The following CNTNAP2 variants were observed in gnomAD, a reference collection of about 807,000 sequenced individuals.
The protein encoded by CNTNAP2 is contactin-associated protein-like 2.
Under a neutral mutation model 155.2 loss-of-function variants are expected in CNTNAP2, and 98 were observed. The observed-to-expected ratio is 0.63, with a 90% CI of 0.54 to 0.75. CNTNAP2 has a LOEUF of 0.75. Ranked by LOEUF, CNTNAP2 falls within the 30% of genes least tolerant of loss-of-function variation. CNTNAP2 has a pLI of 0.00. For missense variants in CNTNAP2, 1,727 were observed against 1,688.1 expected, an observed-to-expected ratio of 1.02 and a Z score of -0.40; for synonymous variants, 651 against 631.2, an observed-to-expected ratio of 1.03 and a Z score of -0.47.
chr7:146,156,247 T>C (rs7794944), intron 1 of CNTNAP2, among the ~76,000 whole-genome samples: 49,044 of 152,016 alleles, frequency 0.32, 9,624 homozygotes, highest in African/African-American at 0.55. Context: ...CTAAGGGCTA[T>C]TATGTTGTTT....
chr7:146,904,781 CT>C (rs1201709110), intron 3 of CNTNAP2, among the ~76,000 whole-genome samples: 1 of 152,162 alleles, frequency 6.6e-6, no homozygotes, highest in East Asian at 1.9e-4. Context: ...GAGAATTCAT[CT>C]TTTGAGCATG....
chr7:146,208,251 A>G (rs144923747), intron 1 of CNTNAP2, among the ~76,000 whole-genome samples: 246 of 152,138 alleles, frequency 1.6e-3, no homozygotes, highest in African/African-American at 5.7e-3. Flanking sequence ...ATTAAAAGTT[A>G]TTTCCTGAAT....
intron 3 of CNTNAP2, among the ~76,000 whole-genome samples, chr7:147,022,204 G>A (rs951561368): frequency 6.6e-6 from 1 of 151,964 alleles, no homozygotes; most frequent in Non-Finnish European, 1.5e-5. Flanking sequence ...TATTTCTTTG[G>A]TCTGATTTCA....
At position 147,873,060 on chromosome 7, in the gene CNTNAP2, T is replaced by C. The variant is rs146657007; in HGVS notation, c.2099-30505T>C. 1.3e-3 allele frequency among the ~76,000 whole-genome samples: 199 copies of C among 152,318 alleles called. 1 individual carries two copies. The highest frequency in any genetic ancestry group is 4.5e-3 in the African/African-American group (188 of 41,576). On this transcript the variant is annotated intron_variant, in intron 13 of 23. Transcript: ENST00000361727. The stretch of plus-strand genomic sequence containing the variant: ...GCATTAGGTCACCAATAATGTTAAT[T>C]GATTGTACTTATACATAATAAAAGC...
At chr7:148,263,599 T>G (rs994777330) in intron 20 of CNTNAP2, among the ~76,000 whole-genome samples, 3 of 151,556 alleles carry the variant, frequency 2.0e-5, no homozygotes, top group African/African-American at 7.3e-5. Flanking sequence ...TAGCCGGGCG[T>G]GGTGGCGGGC....
intron 2 of CNTNAP2, among the ~76,000 whole-genome samples, chr7:146,783,979 A>G (rs1169083096): frequency 1.3e-5 from 2 of 152,224 alleles, no homozygotes; most frequent in African/African-American, 2.4e-5. Context: ...ACTTAGAAAT[A>G]TAGTCGTATC....
At chr7:146,784,589 T>C (rs1159879443) in intron 2 of CNTNAP2, among the ~76,000 whole-genome samples, 1 of 152,166 alleles carries the variant, frequency 6.6e-6, no homozygotes, top group African/African-American at 2.4e-5. Flanking sequence ...TGGATCTAGA[T>C]TTTTCGTTAC....
At chr7:147,327,453 A>T (rs186475919) in intron 9 of CNTNAP2, among the ~76,000 whole-genome samples, 1 of 152,206 alleles carries the variant, frequency 6.6e-6, no homozygotes, top group African/African-American at 2.4e-5. Flanking sequence ...CTGAAAAGTA[A>T]TTAAGAAAAG....
chr7:146,941,664 C>T (rs939473880), intron 3 of CNTNAP2, among the ~76,000 whole-genome samples: 1 of 152,122 alleles, frequency 6.6e-6, no homozygotes, highest in South Asian at 2.1e-4. Flanking sequence ...ATCATTTCTT[C>T]TAACACAGGT....
At chr7:146,755,889 A>T (rs375031171) in intron 1 of CNTNAP2, among the ~76,000 whole-genome samples, 1 of 151,912 alleles carries the variant, frequency 6.6e-6, no homozygotes, top group Admixed American at 6.6e-5. Context: ...TCAATAACAT[A>T]TGTTTATTTG....
At chr7:146,275,577 G>T (rs1336356469) in intron 1 of CNTNAP2, among the ~76,000 whole-genome samples, 1 of 152,138 alleles carries the variant, frequency 6.6e-6, no homozygotes, top group African/African-American at 2.4e-5. Flanking sequence ...ACATGTGTGT[G>T]GGGTGTGTTC....
intron 13 of CNTNAP2, among the ~76,000 whole-genome samples, chr7:147,885,114 C>T (rs1031030589): frequency 2.6e-5 from 4 of 152,092 alleles, no homozygotes; most frequent in Non-Finnish European, 5.9e-5. Flanking sequence ...TGGTAAAAAC[C>T]GCAGTTACTT....
chr7:147,854,353 TC>T (rs1483625901), intron 13 of CNTNAP2, among the ~76,000 whole-genome samples: 1 of 152,166 alleles, frequency 6.6e-6, no homozygotes, highest in East Asian at 1.9e-4. Context: ...TGATCATTCA[TC>T]ATCCCCTTCT....
intron 10 of CNTNAP2, among the ~76,000 whole-genome samples, chr7:147,402,646 A>T (rs1168088345): frequency 6.6e-6 from 1 of 152,196 alleles, no homozygotes; most frequent in Non-Finnish European, 1.5e-5. Context: ...ATAGGGACAC[A>T]CAGTGATTTC....
intron 8 of CNTNAP2, among the ~76,000 whole-genome samples, chr7:147,243,453 G>A (rs1803988842): frequency 6.6e-6 from 1 of 152,056 alleles, no homozygotes; most frequent in Non-Finnish European, 1.5e-5. Context: ...CAATTCACAT[G>A]ACTTTCTAAC....
At chr7:146,227,145 G>A (rs1223949417) in intron 1 of CNTNAP2, among the ~76,000 whole-genome samples, 1 of 152,134 alleles carries the variant, frequency 6.6e-6, no homozygotes, top group Admixed American at 6.5e-5. Context: ...AACTTTAGGG[G>A]CTGGGTGTGG....
rs143781940 is a variant in CNTNAP2, at chr7:146,600,848, A to G, written c.98-173423A>G. ...TTTGCTTTATTTTATACTGAAATAT[A>G]TTGCTCTAAGCCAGATTTTCACAAA... On this transcript the variant is annotated intron_variant, in intron 1 of 23. Transcript: ENST00000361727. Among the ~76,000 whole-genome samples the G allele has an allele frequency of 2.1e-3, 319 of 152,230 alleles. 5 individuals carry two copies. Among genetic ancestry groups the G allele is most frequent in the South Asian group, 0.017 (83 of 4,822 alleles).
At chr7:147,038,070 G>A (rs529580708) in intron 3 of CNTNAP2, among the ~76,000 whole-genome samples, 9 of 152,230 alleles carry the variant, frequency 5.9e-5, no homozygotes, top group Middle Eastern at 3.4e-3. Flanking sequence ...TGGGAGGATC[G>A]TTTGATCACA....
At position 146,646,167 on chromosome 7, in the gene CNTNAP2, A is replaced by C. The variant is rs559609558; in HGVS notation, c.98-128104A>C. Among the ~76,000 whole-genome samples the C allele has an allele frequency of 2.0e-4, 30 of 152,336 alleles. 1 individual carries two copies. The Middle Eastern group carries it at 0.017, about 86-fold the overall frequency. Reference sequence around the variant, plus strand: ...AAAAGTGAAAACATATCTGCTTAAAAGCCTGGCAAAATGAAGCTTAGAAAA... The same window carrying C: ...AAAAGTGAAAACATATCTGCTTAAACGCCTGGCAAAATGAAGCTTAGAAAA... On this transcript the variant is annotated intron_variant, in intron 1 of 23. Transcript: ENST00000361727.
Sources: allele counts gnomAD v4.1 joint callset (sites outside exome capture counted in the v4.1 genomes callset), GRCh38; gene constraint gnomAD v4.1.1; transcripts MANE v1.5; gene names NCBI Gene and HGNC (gene_info 2026-07-23, HGNC 2026-07-21).